Variants in VPS33A observed in about 807,000 individuals in gnomAD.
VPS33A encodes vacuolar protein sorting-associated protein 33A.
In VPS33A, 32 loss-of-function variants were observed where a neutral mutation model predicts 71.8. The ratio of observed to expected loss-of-function variants is 0.45; its 90% CI spans 0.34 to 0.60. VPS33A has a LOEUF of 0.60. Among genes scored for constraint, VPS33A ranks in the 20% least tolerant of loss-of-function variants. VPS33A has a pLI of 0.02. For missense variants in VPS33A, 625 were observed against 748.5 expected (o/e 0.84, Z 1.92); for synonymous variants, 311 against 292.7 (o/e 1.06, Z -0.64).
chr12:122,250,825 G>C (rs111944189), intron 5 of VPS33A, 158 bp downstream of exon 5: 29 of 627,604 alleles, frequency 4.6e-5, no homozygotes, highest in African/African-American at 4.5e-4. Flanking sequence ...CTGACTTGGA[G>C]GGTTATAAGT....
At chr12:122,253,852 C>T (rs577550818) in intron 4 of VPS33A, among the ~76,000 whole-genome samples, 1 of 152,034 alleles carries the variant, frequency 6.6e-6, no homozygotes, top group East Asian at 2.0e-4. Context: ...TGCCCACCAC[C>T]ATGCCTGGCT....
Position 122,251,198 on chromosome 12 carries a change from T to C in VPS33A, c.484-99A>G, listed in dbSNP as rs1347697858. 5.2e-6 allele frequency: 4 copies of C among 776,524 alleles called. No individual in the cohort carries two copies. The South Asian group carries it at 6.7e-5, about 13-fold the overall frequency. The allele number at this position is 776,524 out of a possible 1,614,324, so 48.1% of individuals were successfully genotyped here. ...GGTGCAGCGACAGACAATAAAATCATTTCCAGTTATTTCACACTGTGCCAG... is the reference window on the plus strand; with the variant it reads ...GGTGCAGCGACAGACAATAAAATCACTTCCAGTTATTTCACACTGTGCCAG... On this transcript the variant is annotated intron_variant, in intron 4 of 12. Transcript: ENST00000267199.
At position 122,231,989 on chromosome 12, in the gene VPS33A, G is replaced by A. The variant is rs1004658935; in HGVS notation, c.*257C>T. 2.4e-6 allele frequency: 1 copy of A among 415,306 alleles called. No individual in the cohort carries two copies. The highest frequency in any genetic ancestry group is 4.2e-6 in the Non-Finnish European group (1 of 237,194). The allele number at this position is 415,306 out of a possible 1,614,324, so 25.7% of individuals were successfully genotyped here. A position where few individuals can be genotyped will look rare whatever the true frequency, so the allele number is the denominator to read the frequency against. ...GGAGAATTGCTTGAACCTAGGAGGT[G>A]GAGGTTGCAGTGAGGTGAGACCGTG... On this transcript the variant is annotated 3_prime_UTR_variant, in exon 13 of 13. Coordinates refer to ENST00000267199, the MANE Select transcript of VPS33A (RefSeq NM_022916.6).
intron 5 of VPS33A, among the ~76,000 whole-genome samples, chr12:122,250,382 C>A (rs1954827174): frequency 1.3e-5 from 2 of 152,202 alleles, no homozygotes; most frequent in African/African-American, 4.8e-5. Flanking sequence ...TTCCTGGGAG[C>A]CTCTGGTCTC....
In VPS33A at chr12:122,249,990, G is replaced by T; in HGVS notation, c.656C>A (p.Ser219Ter). 6.2e-7 allele frequency: 1 copy of T among 1,613,986 alleles called. No individual in the cohort carries two copies. The highest frequency in any genetic ancestry group is 8.5e-7 in the Non-Finnish European group (1 of 1,179,976). Reference protein sequence around the residue: ...MKREFTGSQNSIFPVFDNLLL... With the variant: ...MKREFTGSQN ...GAGATTATCAAAAACAGGAAATATT[G>T]AATTCTGGCTTCCTGTAAACTCTCT... Residue 219 changes from serine to a stop codon, truncating the protein, a stop_gained, in exon 6 of 13, where the codon TCA becomes TAA. Transcript: ENST00000267199. LOFTEE classifies it high-confidence loss of function.
intron 4 of VPS33A, among the ~76,000 whole-genome samples, chr12:122,258,791 A>C (rs1592929926): frequency 6.6e-6 from 1 of 151,382 alleles, no homozygotes; most frequent in Non-Finnish European, 1.5e-5. Flanking sequence ...GACCAGCCTG[A>C]CCAACATGGC....
chr12:122,239,779 A>AAAAAAAAAAAAAAAAAAAAAT, intron 9 of VPS33A, 99 bp downstream of exon 9: 1 of 507,358 alleles, frequency 2.0e-6, no homozygotes, highest in Non-Finnish European at 3.4e-6. Flanking sequence ...AAAAAAAAAA[A>AAAAAAAAAAAAAAAAAAAAAT]GGCAAGGCAT....
chr12:122,232,292 A>G lies in VPS33A; in HGVS notation c.1745T>C (p.Met582Thr). The change falls in exon 13 of 13, where the codon ATG becomes ACG. Residue 582 changes from methionine (M) to threonine (T), a missense_variant. By Grantham distance (81) the Met-to-Thr change is moderately conservative. Transcript: ENST00000267199. Reference sequence around the variant, plus strand: ...AGCCTCTATCCAACTGGTTCCATTCATTAGTTTAGTGGTGGCAATGACATA... The same window carrying G: ...AGCCTCTATCCAACTGGTTCCATTCGTTAGTTTAGTGGTGGCAATGACATA... ...TEYVIATTKL[M>T]NGTSWIEALM... 6.2e-7 allele frequency: 1 copy of G among 1,614,084 alleles called. No homozygotes were observed. Among genetic ancestry groups the G allele is most frequent in the South Asian group, 1.1e-5 (1 of 91,036 alleles).
At chr12:122,237,119 C>T (rs1954638983) in intron 10 of VPS33A, among the ~76,000 whole-genome samples, 2 of 152,164 alleles carry the variant, frequency 1.3e-5, no homozygotes, top group Admixed American at 1.3e-4. Flanking sequence ...TCACTGGTAA[C>T]AGCAAATAAA....
chr12:122,244,747 G>A lies in VPS33A; in HGVS notation c.791C>T (p.Pro264Leu), dbSNP rs558127298. The A allele has an allele frequency of 6.2e-7, 1 of 1,613,410 alleles. No homozygotes were observed. Among genetic ancestry groups the A allele is most frequent in the Non-Finnish European group, 8.5e-7 (1 of 1,179,498 alleles). The change falls in exon 7 of 13, where the codon CCT (proline) becomes CTT (leucine). Residue 264 changes from proline to leucine, a missense_variant. By Grantham distance (98) the Pro-to-Leu change is moderately conservative. Coordinates refer to ENST00000267199, the MANE Select transcript of VPS33A (RefSeq NM_022916.6). ...YGIQNSYVKL[P>L]PEKFAPKKQG... ...TTTCTTAGGTGCAAATTTCTCTGGAGGTAATTTCACATAACCTGAGCAGCA... is the reference window on the plus strand; with the variant it reads ...TTTCTTAGGTGCAAATTTCTCTGGAAGTAATTTCACATAACCTGAGCAGCA...
intron 1 of VPS33A, among the ~76,000 whole-genome samples, 169 bp downstream of exon 1, chr12:122,266,138 C>G (rs1033635578): frequency 7.9e-5 from 12 of 152,210 alleles, no homozygotes; most frequent in Non-Finnish European, 1.3e-4. Flanking sequence ...CAGGGCCCCC[C>G]CCTTCATCGC....
chr12:122,233,277 G>A (rs778211518), intron 11 of VPS33A, among the ~76,000 whole-genome samples: 24 of 151,516 alleles, frequency 1.6e-4, no homozygotes, highest in Non-Finnish European at 2.8e-4. Flanking sequence ...CCAGGCTGGA[G>A]TGCAGTGGCA....
intron 4 of VPS33A, among the ~76,000 whole-genome samples, chr12:122,256,234 G>A (rs1355201968): frequency 6.6e-6 from 1 of 151,928 alleles, no homozygotes; most frequent in Non-Finnish European, 1.5e-5. Context: ...CTATACCAGC[G>A]GTTCCCTAAA....
At chr12:122,256,306 G>A (rs527371943) in intron 4 of VPS33A, among the ~76,000 whole-genome samples, 11 of 152,120 alleles carry the variant, frequency 7.2e-5, no homozygotes, top group Middle Eastern at 3.4e-3. Flanking sequence ...AGGCACAGTG[G>A]CTCACACCTG....
At chr12:122,259,022 T>C (rs1240064488) in intron 4 of VPS33A, among the ~76,000 whole-genome samples, 3 of 145,934 alleles carry the variant, frequency 2.1e-5, no homozygotes, top group Non-Finnish European at 4.5e-5. Context: ...GAATAATAAG[T>C]CTGTCCATGT....
chr12:122,240,917 CTGAG>C (rs1230676322), intron 8 of VPS33A: 2 of 152,116 alleles, frequency 1.3e-5, no homozygotes, highest in African/African-American at 4.8e-5. Context: ...GGCGGATCAC[CTGAG>C]GTTGGGAGTT....
intron 5 of VPS33A, 154 bp from the exon 6 acceptor site, chr12:122,250,199 G>T: frequency 2.5e-6 from 2 of 787,100 alleles, no homozygotes; most frequent in Non-Finnish European, 3.8e-6. Flanking sequence ...AAAGCACCTT[G>T]CTGTTGGCAC....
intron 10 of VPS33A, among the ~76,000 whole-genome samples, chr12:122,236,156 TTTTAC>T (rs1954627468): frequency 6.6e-6 from 1 of 152,100 alleles, no homozygotes; most frequent in Non-Finnish European, 1.5e-5. Flanking sequence ...AATTTAAAAT[TTTTAC>T]TTTAAAGTCA....
intron 1 of VPS33A, chr12:122,265,693 G>A (rs1356922135): frequency 4.4e-6 from 2 of 453,642 alleles, no homozygotes; most frequent in Admixed American, 4.7e-5. Context: ...TTTCACAGTT[G>A]TACTGTCAGT....
Sources: allele counts gnomAD v4.1 joint callset (sites outside exome capture counted in the v4.1 genomes callset), GRCh38; gene constraint gnomAD v4.1.1; transcripts MANE v1.5; gene names NCBI Gene and HGNC (gene_info 2026-07-23, HGNC 2026-07-21).